VTI1A: variants seen among roughly 807,000 people sequenced by gnomAD.
The protein encoded by VTI1A is vesicle transport through interaction with t-SNAREs homolog 1A.
In VTI1A, 22 loss-of-function variants were observed where a neutral mutation model predicts 34.9. The ratio of observed to expected loss-of-function variants is 0.63; its 90% CI spans 0.45 to 0.90. VTI1A has a LOEUF of 0.90. Among genes scored for constraint, VTI1A ranks in the 40% least tolerant of loss-of-function variants. VTI1A has a pLI of 0.00. For synonymous variants in VTI1A, 87 were observed against 97.3 expected, an observed-to-expected ratio of 0.89 and a Z score of 0.62; for missense variants, 268 against 275.6, an observed-to-expected ratio of 0.97 and a Z score of 0.20.
At chr10:112,530,917 GA>G (rs1850398845) in intron 4 of VTI1A, among the ~76,000 whole-genome samples, 1 of 152,138 alleles carries the variant, frequency 6.6e-6, no homozygotes, top group African/African-American at 2.4e-5. Flanking sequence ...CATAAGTTCA[GA>G]AAATTGTGTG....
chr10:112,467,053 C>G (rs1418636482), intron 3 of VTI1A, among the ~76,000 whole-genome samples: 1 of 152,138 alleles, frequency 6.6e-6, no homozygotes, highest in East Asian at 1.9e-4. Flanking sequence ...TCTGGACAGT[C>G]ACATTCTCAG....
At chr10:112,493,678 A>G (rs1174097186) in intron 3 of VTI1A, among the ~76,000 whole-genome samples, 1 of 152,186 alleles carries the variant, frequency 6.6e-6, no homozygotes, top group African/African-American at 2.4e-5. Flanking sequence ...TATATTATAA[A>G]TAGGTGTTGG....
intron 5 of VTI1A, among the ~76,000 whole-genome samples, chr10:112,629,671 A>G (rs1232215520): frequency 1.3e-5 from 2 of 152,258 alleles, no homozygotes; most frequent in Non-Finnish European, 2.9e-5. Context: ...TAGTAATTAA[A>G]CATTTTTAAC....
chr10:112,772,860 A>G (rs141955022), intron 7 of VTI1A, among the ~76,000 whole-genome samples: 1 of 152,328 alleles, frequency 6.6e-6, no homozygotes, highest in African/African-American at 2.4e-5. Flanking sequence ...TTGGAAACCC[A>G]TTGGTCAGTC....
chr10:112,625,647 A>G (rs1181871090), intron 5 of VTI1A, among the ~76,000 whole-genome samples: 1 of 150,874 alleles, frequency 6.6e-6, no homozygotes, highest in Non-Finnish European at 1.5e-5. Flanking sequence ...TCTCAAAAAA[A>G]AAAAAGGAAA....
intron 5 of VTI1A, among the ~76,000 whole-genome samples, chr10:112,590,638 C>T (rs1007649727): frequency 3.9e-5 from 6 of 151,944 alleles, no homozygotes; most frequent in East Asian, 3.9e-4. Flanking sequence ...GCTGTGGTCA[C>T]GCCACTGCAC....
intron 7 of VTI1A, among the ~76,000 whole-genome samples, chr10:112,670,418 T>A (rs1475703422): frequency 6.6e-6 from 1 of 152,188 alleles, no homozygotes; most frequent in Non-Finnish European, 1.5e-5. Context: ...TAATCAGATG[T>A]AGCATTTAGG....
intron 7 of VTI1A, among the ~76,000 whole-genome samples, chr10:112,723,564 C>T (rs1372333285): frequency 6.6e-6 from 1 of 152,192 alleles, no homozygotes; most frequent in African/African-American, 2.4e-5. Flanking sequence ...GCAGGCTGAC[C>T]TCCTGAATCT....
At chr10:112,846,531 C>T in the VTI1A span, among the ~76,000 whole-genome samples, 574 of 152,222 alleles carry the variant, frequency 3.8e-3, 3 homozygotes, top group Admixed American at 5.8e-3. Context: ...CTTTGGGAGG[C>T]TGAGGCGGGC....
chr10:112,591,478 C>G (rs1844385996), intron 5 of VTI1A, among the ~76,000 whole-genome samples: 1 of 151,884 alleles, frequency 6.6e-6, no homozygotes, highest in African/African-American at 2.4e-5. Flanking sequence ...AGAGATCGCA[C>G]CACTGCACTC....
At chr10:112,661,764 GTTTTTT>G (rs34974968) in intron 5 of VTI1A, among the ~76,000 whole-genome samples, 1 of 105,938 alleles carries the variant, frequency 9.4e-6, no homozygotes, top group East Asian at 3.1e-4. Flanking sequence ...CTGCTGTTAA[GTTTTTT>G]TTTTTTTTTT....
intron 7 of VTI1A, among the ~76,000 whole-genome samples, chr10:112,688,521 C>CTTTTTT (rs59853999): frequency 1.7e-5 from 2 of 116,418 alleles, no homozygotes; most frequent in Middle Eastern, 4.5e-3. Flanking sequence ...CAATTTTTTT[C>CTTTTTT]TTTTTTTTTT....
At chr10:112,475,746 G>A (rs564149729) in intron 3 of VTI1A, among the ~76,000 whole-genome samples, 28 of 152,298 alleles carry the variant, frequency 1.8e-4, no homozygotes, top group Admixed American at 1.3e-4. Flanking sequence ...AACCAGATAA[G>A]ATTTTGAGAG....
intron 3 of VTI1A, among the ~76,000 whole-genome samples, chr10:112,497,163 C>T (rs1849056908): frequency 6.6e-6 from 1 of 151,758 alleles, no homozygotes; most frequent in South Asian, 2.1e-4. Flanking sequence ...AATAAAATTA[C>T]AAAAGTTAGC....
rs117677919 is a variant in VTI1A, at chr10:112,628,302, T to G, written c.428-39916T>G. Among the ~76,000 whole-genome samples, 1,289 of 152,312 alleles carry G rather than the reference T, an allele frequency of 8.5e-3. 44 individuals are homozygous for G. The highest frequency in any genetic ancestry group is 0.057 in the Admixed American group (869 of 15,290). On this transcript the variant is annotated intron_variant, in intron 5 of 7. Transcript: ENST00000393077. Reference sequence around the variant, plus strand: ...TCTTATGGACTGGAATCTTTATGTTTAGGTGTTTAGGTATTATAGGATTAA... The same window carrying G: ...TCTTATGGACTGGAATCTTTATGTTGAGGTGTTTAGGTATTATAGGATTAA...
At chr10:112,659,683 G>A (rs1208005631) in intron 5 of VTI1A, among the ~76,000 whole-genome samples, 1 of 152,174 alleles carries the variant, frequency 6.6e-6, no homozygotes, top group Non-Finnish European at 1.5e-5. Context: ...AAACATAATT[G>A]CTTAAACACA....
At chr10:112,496,441 C>T (rs747966630) in intron 3 of VTI1A, among the ~76,000 whole-genome samples, 5 of 151,758 alleles carry the variant, frequency 3.3e-5, no homozygotes, top group South Asian at 2.1e-4. Context: ...CGTGGTGATG[C>T]GCACCTGTAG....
At chr10:112,509,359 A>G (rs1589844024) in intron 3 of VTI1A, among the ~76,000 whole-genome samples, 1 of 152,352 alleles carries the variant, frequency 6.6e-6, no homozygotes, top group South Asian at 2.1e-4. Context: ...AAAGGCAAGA[A>G]AATACCAGCC....
Position 112,762,555 on chromosome 10 carries a change from G to A in VTI1A, c.561-52735G>A, listed in dbSNP as rs11817908. ...TTTCTGCAAGTATATTTGGGCAGGA[G>A]ATTTGAGTTAGGATATTATAACTTC... On this transcript the variant is annotated intron_variant, in intron 7 of 7. Transcript: ENST00000393077. 9.0e-3 allele frequency among the ~76,000 whole-genome samples: 1,373 copies of A among 152,282 alleles called. 18 individuals are homozygous for A. The highest frequency in any genetic ancestry group is 0.03 in the African/African-American group (1,240 of 41,552).
Sources: allele counts gnomAD v4.1 joint callset (sites outside exome capture counted in the v4.1 genomes callset), GRCh38; gene constraint gnomAD v4.1.1; transcripts MANE v1.5; gene names NCBI Gene and HGNC (gene_info 2026-07-23, HGNC 2026-07-21).